NT5M: variants seen among roughly 807,000 people sequenced by gnomAD.
NT5M encodes 5'(3')-deoxyribonucleotidase, mitochondrial.
NT5M carries 22 observed loss-of-function variants against 22.2 expected under a neutral mutation model. The ratio of observed to expected loss-of-function variants is 0.99; its 90% CI spans 0.71 to 1.41. NT5M has a LOEUF of 1.41. Ranked by LOEUF, NT5M falls within the 40% of genes most tolerant of loss-of-function variation. The probability of loss-of-function intolerance (pLI) is 0.00; values close to 1 mark genes in which losing one functional copy is unlikely to be tolerated. For missense variants in NT5M, 322 were observed against 314.8 expected (o/e 1.02, Z -0.17); for synonymous variants, 167 against 133.0 (o/e 1.26, Z -1.76).
chr17:17,308,926 A>T (rs1384680461), intron 2 of NT5M, among the ~76,000 whole-genome samples: 1 of 152,100 alleles, frequency 6.6e-6, no homozygotes, highest in Non-Finnish European at 1.5e-5. Flanking sequence ...GCATCTATCA[A>T]TACTTACTAT....
In NT5M at chr17:17,303,737, G is replaced by C. The variant is rs1467438180; in HGVS notation, c.187G>C (p.Asp63His). The C allele has an allele frequency of 1.9e-6, 3 of 1,590,820 alleles. No homozygotes were observed. Among genetic ancestry groups the C allele is most frequent in the South Asian group, 1.1e-5 (1 of 88,110 alleles). Residue 63 changes from aspartate to histidine, a missense_variant, in exon 1 of 5, where the codon GAC (aspartate) becomes CAC (histidine). Asp to His is a moderately conservative substitution (Grantham distance 81). Transcript: ENST00000389022. ...FLRKFRARFP[D>H]QPFIALEDRR... ...CAGGAAGTTCCGCGCGCGCTTTCCC[G>C]ACCAGCCCTTCATCGCGCTGGAGGA... is the stretch of plus-strand genomic sequence containing the variant.
At chr17:17,315,217 T>A (rs2048998626) in intron 2 of NT5M, among the ~76,000 whole-genome samples, 1 of 152,218 alleles carries the variant, frequency 6.6e-6, no homozygotes, top group South Asian at 2.1e-4. Context: ...TGGTGCTCAC[T>A]GTCGTGAAGC....
intron 3 of NT5M, among the ~76,000 whole-genome samples, chr17:17,337,270 C>T (rs1436584055): frequency 2.6e-5 from 4 of 152,172 alleles, no homozygotes; most frequent in African/African-American, 7.2e-5. Context: ...GAGACAGGAT[C>T]TCGCTCTGTA....
At chr17:17,334,478 G>GT (rs35096596) in intron 3 of NT5M, among the ~76,000 whole-genome samples, 30,294 of 119,974 alleles carry the variant, frequency 0.25, 4,560 homozygotes, top group South Asian at 0.34. Context: ...AGTTACTGTA[G>GT]TTTTTTTTTT....
intron 2 of NT5M, among the ~76,000 whole-genome samples, chr17:17,316,345 A>T (rs552955401): frequency 1.3e-5 from 2 of 151,614 alleles, no homozygotes; most frequent in South Asian, 4.2e-4. Flanking sequence ...TGCGTGAGCC[A>T]CCGTGCCCAG....
At position 17,347,006 on chromosome 17, in the gene NT5M, G is replaced by A. The variant is rs1179381839; in HGVS notation, c.*59G>A. ...CTGACCTCAGGGCTCCCAGCTCGGG[G>A]CCTGTGGGGCCAGTATGCTGGTCTG... On this transcript the variant is annotated 3_prime_UTR_variant, in exon 5 of 5. Transcript: ENST00000389022. 3 of 1,584,674 alleles carry A rather than the reference G, an allele frequency of 1.9e-6. No individual in the cohort carries two copies. Among genetic ancestry groups the A allele is most frequent in the Non-Finnish European group, 2.6e-6 (3 of 1,168,728 alleles).
chr17:17,328,693 G>A (rs1053396111), intron 3 of NT5M, among the ~76,000 whole-genome samples: 3 of 152,200 alleles, frequency 2.0e-5, no homozygotes, highest in Non-Finnish European at 4.4e-5. Flanking sequence ...GCTAGAAGTG[G>A]AAACTTTTCT....
intron 3 of NT5M, among the ~76,000 whole-genome samples, chr17:17,331,925 C>T (rs751156555): frequency 6.6e-6 from 1 of 151,250 alleles, no homozygotes; most frequent in African/African-American, 2.5e-5. Context: ...GGACTACAGG[C>T]GCCCACCACC....
At position 17,303,624 on chromosome 17, in the gene NT5M, C is replaced by A; in HGVS notation, c.74C>A (p.Ala25Glu). The A allele has an allele frequency of 4.6e-6, 6 of 1,310,318 alleles. No homozygotes were observed. The highest frequency in any genetic ancestry group is 5.9e-6 in the Non-Finnish European group (6 of 1,023,286). 81.2% of individuals were successfully genotyped at this position (1,310,318 alleles called of 1,614,324 possible). The change falls in exon 1 of 5, where the codon GCG becomes GAG. Residue 25 changes from alanine (A) to glutamate (E), a missense_variant. Coordinates refer to ENST00000389022, the MANE Select transcript of NT5M (RefSeq NM_020201.4). ...GTTCCCGCGGGGCGGCGCGGGGCGGCGGGCGGGCTGGGCCTGGCGGGAGGC... is the reference window on the plus strand; with the variant it reads ...GTTCCCGCGGGGCGGCGCGGGGCGGAGGGCGGGCTGGGCCTGGCGGGAGGC... ...AAVPAGRRGA[A>E]GGLGLAGGRA...
At chr17:17,329,456 G>A (rs2049331855) in intron 3 of NT5M, among the ~76,000 whole-genome samples, 1 of 152,132 alleles carries the variant, frequency 6.6e-6, no homozygotes, top group Non-Finnish European at 1.5e-5. Context: ...AGCATGACCT[G>A]TACCTTTTCA....
rs752869120 is a variant in NT5M, at chr17:17,303,827, C to T, written c.267+10C>T. The T allele has an allele frequency of 9.4e-6, 13 of 1,381,496 alleles. No homozygotes were observed. In the South Asian group the frequency reaches 1.9e-4, roughly 20 times the overall value. 85.6% of individuals were successfully genotyped at this position (1,381,496 alleles called of 1,614,324 possible). A position where few individuals can be genotyped will look rare whatever the true frequency, so the allele number is the denominator to read the frequency against. ...GCGGCCAGGGCTGAGCGTGAGCGTC[C>T]CCGCCCCGCCCCGCGCCGGGCCTCC... On this transcript the variant is annotated intron_variant, in intron 1 of 4. Coordinates refer to ENST00000389022, the MANE Select transcript of NT5M (RefSeq NM_020201.4).
chr17:17,315,810 A>T (rs1214008586), intron 2 of NT5M, among the ~76,000 whole-genome samples: 1 of 131,182 alleles, frequency 7.6e-6, no homozygotes, highest in East Asian at 2.4e-4. Flanking sequence ...GCTAGAGTGC[A>T]GCGGTGTGAT....
chr17:17,329,377 CTT>C (rs1182029341), intron 3 of NT5M, among the ~76,000 whole-genome samples: 1 of 152,218 alleles, frequency 6.6e-6, no homozygotes, highest in Admixed American at 6.5e-5. Flanking sequence ...GGGAGTCAGA[CTT>C]CAGAGCCCAT....
At chr17:17,321,895 T>C (rs374777917) in intron 2 of NT5M, among the ~76,000 whole-genome samples, 2 of 151,732 alleles carry the variant, frequency 1.3e-5, no homozygotes, top group East Asian at 1.9e-4. Context: ...TGAAGCGTCG[T>C]GGGTGGTGGC....
intron 3 of NT5M, among the ~76,000 whole-genome samples, chr17:17,330,242 G>A (rs574198278): frequency 1.3e-5 from 2 of 149,766 alleles, no homozygotes; most frequent in Non-Finnish European, 3.0e-5. Context: ...AGAGGTTGCA[G>A]TGAGCCGAGA....
chr17:17,344,461 T>G (rs903270475), intron 3 of NT5M, among the ~76,000 whole-genome samples: 2 of 151,970 alleles, frequency 1.3e-5, no homozygotes, highest in African/African-American at 4.8e-5. Context: ...GTGGCAGGGG[T>G]GGCACACATG....
At chr17:17,340,866 T>C (rs1464280800) in intron 3 of NT5M, among the ~76,000 whole-genome samples, 1 of 152,128 alleles carries the variant, frequency 6.6e-6, no homozygotes, top group African/African-American at 2.4e-5. Context: ...CATTAAGTTG[T>C]TTACTTGAAG....
chr17:17,315,744 G>GTTTTTTTTTTTTTTTT lies in NT5M; in HGVS notation c.369-7434_369-7433insTTTTTTTTTTTTTTTT, dbSNP rs1173004367. Among the ~76,000 whole-genome samples the GTTTTTTTTTTTTTTTT allele has an allele frequency of 7.4e-5, 5 of 67,714 alleles. 1 individual carries two copies. Among genetic ancestry groups the GTTTTTTTTTTTTTTTT allele is most frequent in the Non-Finnish European group, 8.0e-5 (3 of 37,274 alleles). 44.4% of individuals were successfully genotyped at this position (67,714 alleles called of 152,430 possible). On this transcript the variant is annotated intron_variant, in intron 2 of 4. Coordinates refer to ENST00000389022, the MANE Select transcript of NT5M (RefSeq NM_020201.4). ...AGAGATTGATGTGATCTAACTTAGG[G>GTTTTTTTTTTTTTTTT]TTTTTTTGTTTTTTTTTTTTTTTTT...
chr17:17,303,669 T>A lies in NT5M; in HGVS notation c.119T>A (p.Val40Glu). 1 of 1,567,774 alleles carries A rather than the reference T, an allele frequency of 6.4e-7. No homozygotes were observed. The highest frequency in any genetic ancestry group is 1.4e-5 in the African/African-American group (1 of 70,980). ...LAGGRALRVL[V>E]DMDGVLADFE... is the part of the protein sequence containing the mutation. ...GGAGGCCGCGCCCTACGGGTGCTGG[T>A]GGACATGGACGGCGTGCTGGCTGAC... Residue 40 changes from valine to glutamate, a missense_variant, in exon 1 of 5, where the codon GTG (valine) becomes GAG (glutamate). Val to Glu is a moderately radical substitution (Grantham distance 121, BLOSUM62 -2). Transcript: ENST00000389022.
Sources: gnomAD v4.1 joint callset for allele counts (sites outside exome capture counted in the v4.1 genomes callset) on GRCh38, gnomAD v4.1.1 for gene constraint, MANE v1.5 for transcripts, NCBI Gene and HGNC (gene_info 2026-07-23, HGNC 2026-07-21) for gene names.